USH2A: variants seen among roughly 807,000 people sequenced by gnomAD.
The protein encoded by USH2A is usherin.
USH2A carries 443 observed loss-of-function variants against 538.9 expected under a neutral mutation model. The observed-to-expected ratio is 0.82, with a 90% CI of 0.76 to 0.89. The LOEUF is 0.89. Among genes scored for constraint, USH2A ranks in the 40% least tolerant of loss-of-function variants. The pLI is 0.00. For missense variants in USH2A, 6,633 were observed against 6,324.8 expected, an observed-to-expected ratio of 1.05 and a Z score of -1.65; for synonymous variants, 2,413 against 2,273.5, an observed-to-expected ratio of 1.06 and a Z score of -1.75.
At chr1:215,893,963 A>G (rs190683239) in intron 40 of USH2A, among the ~76,000 whole-genome samples, 4 of 152,338 alleles carry the variant, frequency 2.6e-5, no homozygotes, top group African/African-American at 9.6e-5. Flanking sequence ...GAGAAAATCT[A>G]TGCAACAGAA....
intron 47 of USH2A, among the ~76,000 whole-genome samples, chr1:215,818,164 G>T (rs898778621): frequency 9.2e-5 from 14 of 151,848 alleles, no homozygotes; most frequent in African/African-American, 2.9e-4. Context: ...TAGGCTATTA[G>T]TAGTTAAATT....
chr1:215,703,265 G>T (rs762693849), intron 61 of USH2A, among the ~76,000 whole-genome samples: 6 of 152,200 alleles, frequency 3.9e-5, no homozygotes, highest in Non-Finnish European at 5.9e-5. Flanking sequence ...TCTGGGATGG[G>T]TCTCCCTTTC....
chr1:216,098,492 G>A (rs2032498613), intron 21 of USH2A, among the ~76,000 whole-genome samples: 2 of 152,148 alleles, frequency 1.3e-5, no homozygotes, highest in South Asian at 2.1e-4. Flanking sequence ...GTAACCAAAA[G>A]CCCTACATAG....
intron 3 of USH2A, among the ~76,000 whole-genome samples, chr1:216,389,037 T>C (rs1273355876): frequency 6.6e-6 from 1 of 152,146 alleles, no homozygotes; most frequent in Admixed American, 6.5e-5. Flanking sequence ...ATAAAACCAT[T>C]AAAGGCACTA....
chr1:215,869,944 A>G (rs1229286067), intron 43 of USH2A, among the ~76,000 whole-genome samples: 1 of 152,200 alleles, frequency 6.6e-6, no homozygotes, highest in Non-Finnish European at 1.5e-5. Context: ...AGATACACAC[A>G]ATTGCATGCC....
At chr1:216,394,749 C>T (rs562163806) in intron 3 of USH2A, among the ~76,000 whole-genome samples, 28 of 75,062 alleles carry the variant, frequency 3.7e-4, no homozygotes, top group Non-Finnish European at 6.9e-4. Context: ...GACAGAGTCT[C>T]GCTCTGTCGC....
chr1:216,188,164 G>A (rs1395950570), intron 20 of USH2A, among the ~76,000 whole-genome samples: 1 of 151,356 alleles, frequency 6.6e-6, no homozygotes, highest in Non-Finnish European at 1.5e-5. Context: ...GAGCTGCACA[G>A]AGCACCCAGG....
In USH2A at chr1:216,191,674, A is replaced by G. The variant is rs953009144; in HGVS notation, c.4252-1307T>C. ...GATTTAAAATTTTCTAAGTAAAATA[A>G]ACCTTGAACTGAGTTAAACTTATGA... On this transcript the variant is annotated intron_variant, in intron 19 of 71. Transcript: ENST00000307340. Among the ~76,000 whole-genome samples the G allele has an allele frequency of 5.3e-5, 8 of 152,112 alleles. No individual in the cohort carries two copies. The East Asian group carries it at 1.6e-3, about 30-fold the overall frequency.
chr1:215,716,786 G>A (rs1307322827), intron 61 of USH2A, among the ~76,000 whole-genome samples: 1 of 152,030 alleles, frequency 6.6e-6, no homozygotes, highest in Non-Finnish European at 1.5e-5. Flanking sequence ...AGTACCTAAG[G>A]GGGTCCTTAA....
chr1:215,889,149 T>C (rs904305653), intron 40 of USH2A, 95 bp from the exon 41 acceptor site: 74 of 1,457,330 alleles, frequency 5.1e-5, no homozygotes, highest in Non-Finnish European at 6.7e-5. Context: ...TACAAGGATA[T>C]GAAAATGAAC....
intron 47 of USH2A, among the ~76,000 whole-genome samples, chr1:215,836,565 A>ATATATATTTTTTT (rs1553267793): frequency 3.0e-5 from 1 of 32,866 alleles, no homozygotes; most frequent in Non-Finnish European, 5.8e-5. Context: ...ATATATATAT[A>ATATATATTTTTTT]TTTTTTTTTG....
chr1:215,724,542 C>G (rs1659756494), intron 61 of USH2A, among the ~76,000 whole-genome samples: 1 of 152,098 alleles, frequency 6.6e-6, no homozygotes, highest in South Asian at 2.1e-4. Context: ...GACGGTTACA[C>G]TAAAAGCCCA....
intron 21 of USH2A, among the ~76,000 whole-genome samples, chr1:216,100,004 T>A (rs2032540221): frequency 6.6e-6 from 1 of 152,074 alleles, no homozygotes; most frequent in African/African-American, 2.4e-5. Flanking sequence ...AATGTCCACA[T>A]TTCAGAAAAG....
At chr1:215,812,164 T>G (rs1369847165) in intron 49 of USH2A, among the ~76,000 whole-genome samples, 2 of 151,302 alleles carry the variant, frequency 1.3e-5, no homozygotes, top group African/African-American at 4.9e-5. Context: ...TTTGTATTTT[T>G]TACAAGAGAT....
intron 16 of USH2A, chr1:216,201,694 G>T: frequency 9.6e-6 from 2 of 207,714 alleles, no homozygotes; most frequent in East Asian, 2.6e-4. Flanking sequence ...GTGTTGTGGG[G>T]GGCACCTTGG....
intron 2 of USH2A, 68 bp downstream of exon 2, chr1:216,421,784 G>T: frequency 6.2e-7 from 1 of 1,610,780 alleles, no homozygotes; most frequent in Non-Finnish European, 8.5e-7. Context: ...TGGAATTCAG[G>T]CTGAAATGAT....
intron 44 of USH2A, among the ~76,000 whole-genome samples, chr1:215,859,535 A>C (rs908275238): frequency 1.3e-5 from 2 of 151,922 alleles, no homozygotes; most frequent in African/African-American, 4.8e-5. Context: ...CTCCATCTCC[A>C]AAAAAAATAA....
Position 216,418,640 on chromosome 1 carries a change from G to C in USH2A, c.525C>G (p.Phe175Leu). The part of the protein sequence containing the change: ...IEKTVDGQIV[F>L]KLTISEKETM... ...TCTCTTTCTCAGATATTGTAAGTTT[G>C]AACACAATCTGCCCATCTACTGTCT... The change falls in exon 3 of 72, where the codon TTC (phenylalanine) becomes TTG (leucine). Residue 175 changes from phenylalanine to leucine, a missense_variant. Transcript: ENST00000307340. 1 of 1,613,188 alleles carries C rather than the reference G, an allele frequency of 6.2e-7. No homozygotes were observed. The highest frequency in any genetic ancestry group is 8.5e-7 in the Non-Finnish European group (1 of 1,179,508).
intron 61 of USH2A, among the ~76,000 whole-genome samples, chr1:215,697,148 G>A (rs111301556): frequency 0.014 from 2,096 of 151,438 alleles, 52 homozygotes; most frequent in African/African-American, 0.045. Context: ...TTGTAGAGAT[G>A]TAGTTTTACC....
Sources: gnomAD v4.1 joint callset for allele counts (sites outside exome capture counted in the v4.1 genomes callset) on GRCh38, gnomAD v4.1.1 for gene constraint, MANE v1.5 for transcripts, NCBI Gene and HGNC (gene_info 2026-07-23, HGNC 2026-07-21) for gene names.